The following KDM4C variants were observed in gnomAD, a reference collection of about 807,000 sequenced individuals.
The protein encoded by KDM4C is lysine-specific demethylase 4C.
Under a neutral mutation model 129.3 loss-of-function variants are expected in KDM4C, and 81 were observed. The ratio of observed to expected loss-of-function variants is 0.63; its 90% confidence interval spans 0.52 to 0.75. The LOEUF (loss-of-function observed/expected upper bound fraction) is 0.75. Among genes scored for constraint, KDM4C ranks in the 30% least tolerant of loss-of-function variants. The pLI is 0.00. For synonymous variants in KDM4C, 573 were observed against 456.1 expected (o/e 1.26, Z -3.26); for missense variants, 1,457 against 1,304.0 (o/e 1.12, Z -1.81).
At chr9:7,006,262 A>G (rs192139406) in intron 12 of KDM4C, among the ~76,000 whole-genome samples, 3 of 152,310 alleles carry the variant, frequency 2.0e-5, no homozygotes, top group African/African-American at 7.2e-5. Context: ...TTAGAACCAG[A>G]AAGTTTTTAG....
intron 12 of KDM4C, among the ~76,000 whole-genome samples, chr9:7,004,296 G>T (rs1821261017): frequency 6.6e-6 from 1 of 152,156 alleles, no homozygotes; most frequent in Non-Finnish European, 1.5e-5. Flanking sequence ...TTAAGGCAAG[G>T]TTTCCCCCAG....
chr9:6,873,119 C>G (rs1271835816), intron 5 of KDM4C, among the ~76,000 whole-genome samples: 4 of 152,116 alleles, frequency 2.6e-5, no homozygotes, highest in East Asian at 1.9e-4. Flanking sequence ...TGCCCAGACT[C>G]CCGATTAGCT....
At chr9:7,170,098 T>C in intron 21 of KDM4C, 1 of 1,457,734 alleles carries the variant, frequency 6.9e-7, no homozygotes, top group Non-Finnish European at 9.1e-7. Context: ...TTTACTTTTC[T>C]TCTAATGAAG....
chr9:6,942,282 AG>A lies in KDM4C; in HGVS notation c.922-38642del, dbSNP rs1826090204. Among the ~76,000 whole-genome samples the A allele has an allele frequency of 2.1e-5, 3 of 142,624 alleles. No homozygotes were observed. The Admixed American group carries it at 2.1e-4, about 10-fold the overall frequency. 93.6% of individuals were successfully genotyped at this position (142,624 alleles called of 152,430 possible). ...TTCTTTCTCATGTTCTAGCCCTCAA[AG>A]TGTGTGTGTGTGTGTGTGTGTGTGT... On this transcript the variant is annotated intron_variant, in intron 8 of 21. Transcript: ENST00000381309.
intron 15 of KDM4C, among the ~76,000 whole-genome samples, chr9:7,041,745 C>G (rs1828641349): frequency 6.6e-6 from 1 of 151,994 alleles, no homozygotes; most frequent in African/African-American, 2.4e-5. Flanking sequence ...ATTAAGTCCA[C>G]TCAGGTTTCA....
At chr9:7,051,190 T>C (rs779559777) in intron 17 of KDM4C, among the ~76,000 whole-genome samples, 23 of 152,190 alleles carry the variant, frequency 1.5e-4, no homozygotes, top group Non-Finnish European at 3.2e-4. Context: ...AAAATGCTTG[T>C]AGTAGTTATC....
At chr9:6,849,416 AT>A in intron 4 of KDM4C, 90 bp from the exon 5 acceptor site, 2 of 1,071,952 alleles carry the variant, frequency 1.9e-6, no homozygotes, top group Non-Finnish European at 1.3e-6. Context: ...CAATGTAATA[AT>A]TTTGGTGGAT....
intron 5 of KDM4C, among the ~76,000 whole-genome samples, chr9:6,859,046 T>C (rs1840445324): frequency 6.6e-6 from 1 of 152,208 alleles, no homozygotes; most frequent in African/African-American, 2.4e-5. Context: ...TTACTGCACA[T>C]GTGTTCATTT....
intron 8 of KDM4C, among the ~76,000 whole-genome samples, chr9:6,947,394 G>T (rs933980734): frequency 1.3e-5 from 2 of 151,676 alleles, no homozygotes; most frequent in African/African-American, 4.8e-5. Context: ...TCATTTTCCT[G>T]TTAGCATTAA....
At chr9:6,999,337 A>T (rs1008811670) in intron 12 of KDM4C, among the ~76,000 whole-genome samples, 2 of 126,404 alleles carry the variant, frequency 1.6e-5, no homozygotes, top group Non-Finnish European at 3.3e-5. Context: ...GAAATTACAA[A>T]TTTTTTTAAA....
intron 2 of KDM4C, among the ~76,000 whole-genome samples, chr9:6,800,734 G>A (rs1014627483): frequency 1.3e-5 from 2 of 151,802 alleles, no homozygotes; most frequent in Non-Finnish European, 2.9e-5. Flanking sequence ...TCAAGCAGTC[G>A]CCCCACCTCA....
chr9:7,134,045 G>T (rs755272266), intron 19 of KDM4C, among the ~76,000 whole-genome samples: 6 of 152,182 alleles, frequency 3.9e-5, no homozygotes, highest in Non-Finnish European at 8.8e-5. Flanking sequence ...GTGTGCTCCA[G>T]AGGGCTGCCC....
intron 14 of KDM4C, 141 bp downstream of exon 14, chr9:7,014,142 T>G (rs1198659040): frequency 1.5e-6 from 1 of 668,092 alleles, no homozygotes; most frequent in African/African-American, 1.8e-5. Context: ...TTCATATTTC[T>G]GCTGGTAAAA....
chr9:7,092,831 G>A (rs1463476489), intron 17 of KDM4C, among the ~76,000 whole-genome samples: 1 of 152,088 alleles, frequency 6.6e-6, no homozygotes, highest in Non-Finnish European at 1.5e-5. Flanking sequence ...GCACACATCT[G>A]CTTGGGTAAC....
At chr9:6,971,270 T>C (rs764725694) in intron 8 of KDM4C, among the ~76,000 whole-genome samples, 5 of 152,198 alleles carry the variant, frequency 3.3e-5, no homozygotes, top group African/African-American at 4.8e-5. Context: ...AAAGTGGTCT[T>C]TACTGCTTGG....
intron 4 of KDM4C, among the ~76,000 whole-genome samples, chr9:6,830,090 T>C (rs1412168341): frequency 1.3e-5 from 2 of 152,190 alleles, no homozygotes; most frequent in African/African-American, 4.8e-5. Flanking sequence ...AGTGTTTTCC[T>C]TATTACAGCA....
intron 1 of KDM4C, among the ~76,000 whole-genome samples, chr9:6,733,675 A>G (rs1200985131): frequency 1.3e-5 from 2 of 152,206 alleles, no homozygotes; most frequent in East Asian, 3.9e-4. Flanking sequence ...GAGTTCAGGG[A>G]GAGTCCGTAG....
chr9:6,925,569 A>G, intron 8 of KDM4C: 1 of 984,860 alleles, frequency 1.0e-6, no homozygotes, highest in Non-Finnish European at 1.2e-6. Flanking sequence ...GTTCTGGTAC[A>G]AGTGGGAGCC....
At chr9:7,112,713 C>G (rs918715473) in intron 18 of KDM4C, among the ~76,000 whole-genome samples, 3 of 152,180 alleles carry the variant, frequency 2.0e-5, no homozygotes, top group African/African-American at 4.8e-5. Flanking sequence ...TATTTTCCCT[C>G]ACTTCGTCTG....
Sources: allele counts gnomAD v4.1 joint callset (sites outside exome capture counted in the v4.1 genomes callset), GRCh38; gene constraint gnomAD v4.1.1; transcripts MANE v1.5; gene names NCBI Gene and HGNC (gene_info 2026-07-23, HGNC 2026-07-21).